The following ELF5 variants were observed in gnomAD, a reference collection of about 807,000 sequenced individuals.
ELF5 encodes the protein E74 like ETS transcription factor 5.
In ELF5, 31 loss-of-function variants were observed where a neutral mutation model predicts 38.2. The observed-to-expected ratio is 0.81, with a 90% CI of 0.61 to 1.10. The LOEUF (loss-of-function observed/expected upper bound fraction) is 1.10. Among genes scored for constraint, ELF5 ranks in the 50% least tolerant of loss-of-function variants. The pLI is 0.00. For missense variants in ELF5, 300 were observed against 306.6 expected (o/e 0.98, Z 0.16); for synonymous variants, 121 against 112.5 (o/e 1.08, Z -0.48).
At chr11:34,487,747 T>C (rs1210819364) in intron 4 of ELF5, among the ~76,000 whole-genome samples, 1 of 152,132 alleles carries the variant, frequency 6.6e-6, no homozygotes, top group African/African-American at 2.4e-5. Context: ...ATCACAGAAT[T>C]GAACCGCTCA....
intron 4 of ELF5, among the ~76,000 whole-genome samples, chr11:34,483,767 T>A (rs1856995773): frequency 6.6e-6 from 1 of 151,994 alleles, no homozygotes; most frequent in South Asian, 2.1e-4. Context: ...TACTGCACTA[T>A]ACCATACTAA....
intron 2 of ELF5, among the ~76,000 whole-genome samples, chr11:34,495,072 C>T (rs566895722): frequency 1.3e-5 from 2 of 152,226 alleles, no homozygotes; most frequent in Non-Finnish European, 2.9e-5. Flanking sequence ...CAAGAACCCA[C>T]GCCAGCGTGT....
intron 2 of ELF5, among the ~76,000 whole-genome samples, chr11:34,501,629 C>T (rs1345775700): frequency 2.6e-5 from 4 of 152,118 alleles, no homozygotes; most frequent in Admixed American, 2.0e-4. Context: ...AGTCATCGTT[C>T]TTTACTTTGA....
chr11:34,512,367 G>C (rs532439152), intron 1 of ELF5, among the ~76,000 whole-genome samples: 15 of 152,142 alleles, frequency 9.9e-5, no homozygotes, highest in Non-Finnish European at 1.3e-4. Context: ...GATCCAAAAA[G>C]GTATGCCATG....
chr11:34,508,743 T>A (rs1358226922), intron 1 of ELF5, among the ~76,000 whole-genome samples: 1 of 152,160 alleles, frequency 6.6e-6, no homozygotes, highest in Non-Finnish European at 1.5e-5. Context: ...CCAATTTCCC[T>A]CCTCGCCTCC....
chr11:34,508,175 T>G (rs1320709544), intron 1 of ELF5, among the ~76,000 whole-genome samples: 1 of 152,172 alleles, frequency 6.6e-6, no homozygotes, highest in Non-Finnish European at 1.5e-5. Context: ...CAAAATGCAG[T>G]CCCTCACCTA....
chr11:34,494,192 G>C (rs1267225084), intron 2 of ELF5, among the ~76,000 whole-genome samples: 7 of 152,174 alleles, frequency 4.6e-5, no homozygotes, highest in Non-Finnish European at 8.8e-5. Context: ...CTATTATGGA[G>C]TTTGGGGTTA....
chr11:34,486,714 A>G (rs571655816), intron 4 of ELF5, among the ~76,000 whole-genome samples: 3 of 152,368 alleles, frequency 2.0e-5, no homozygotes, highest in Admixed American at 6.5e-5. Context: ...GGAGATAATA[A>G]CACTCCCTAA....
chr11:34,500,690 A>G (rs1850443474), intron 2 of ELF5, among the ~76,000 whole-genome samples: 1 of 152,264 alleles, frequency 6.6e-6, no homozygotes, highest in Non-Finnish European at 1.5e-5. Flanking sequence ...GCGCTGCCAC[A>G]GGGCTCACCT....
chr11:34,501,241 C>T (rs1261723154), intron 2 of ELF5, among the ~76,000 whole-genome samples: 2 of 152,252 alleles, frequency 1.3e-5, no homozygotes, highest in East Asian at 1.9e-4. Flanking sequence ...GACTGAAGCC[C>T]CATCTTCTCA....
At chr11:34,496,967 T>G (rs997641464) in intron 2 of ELF5, among the ~76,000 whole-genome samples, 6 of 152,214 alleles carry the variant, frequency 3.9e-5, no homozygotes, top group Admixed American at 3.9e-4. Flanking sequence ...TAAAGCAAGA[T>G]TTGGATGAAG....
At position 34,484,472 on chromosome 11, in the gene ELF5, CACTATACTAACTATACTAT is replaced by C. The variant is rs1258720244; in HGVS notation, c.407-1992_407-1974del. Among the ~76,000 whole-genome samples, 316 of 93,064 alleles carry C rather than the reference CACTATACTAACTATACTAT, an allele frequency of 3.4e-3. 4 individuals carry two copies. Among genetic ancestry groups the C allele is most frequent in the South Asian group, 0.013 (36 of 2,780 alleles). 61.1% of individuals were successfully genotyped at this position (93,064 alleles called of 152,430 possible). On this transcript the variant is annotated intron_variant, in intron 4 of 6. Coordinates refer to ENST00000257832, the MANE Select transcript of ELF5 (RefSeq NM_001422.4). ...ATACTAACTATACTGTACTGTGCTA[CACTATACTAACTATACTAT>C]ACTATACTATACTATACTATACTAT... is the stretch of plus-strand genomic sequence containing the variant.
At chr11:34,511,658 C>T (rs939196419) in intron 1 of ELF5, 35 of 1,547,024 alleles carry the variant, frequency 2.3e-5, no homozygotes, top group Middle Eastern at 1.8e-4. Context: ...GAGGGTCCAC[C>T]GAGTTGGAGG....
chr11:34,483,038 G>A (rs541612606), intron 4 of ELF5, among the ~76,000 whole-genome samples: 1 of 151,988 alleles, frequency 6.6e-6, no homozygotes, highest in African/African-American at 2.4e-5. Flanking sequence ...TGCCCCTCCA[G>A]CTCACACTCG....
In ELF5 at chr11:34,505,746, A is replaced by G. The variant is rs2133900647; in HGVS notation, c.4T>C (p.Leu2=). The G allele has an allele frequency of 6.2e-7, 1 of 1,613,574 alleles. No homozygotes were observed. The highest frequency in any genetic ancestry group is 8.5e-7 in the Non-Finnish European group (1 of 1,179,720). ...AAGGTGCTGTGTGTCACCGAGTCCAACATTACCCTGCAACAGCAGGAGAGG... is the reference window on the plus strand; with the variant it reads ...AAGGTGCTGTGTGTCACCGAGTCCAGCATTACCCTGCAACAGCAGGAGAGG... M[L]DSVTHSTFLP... Residue 2 remains leucine (L), a synonymous_variant, in exon 2 of 7, where the codon TTG becomes CTG. Transcript: ENST00000257832.
intron 1 of ELF5, among the ~76,000 whole-genome samples, chr11:34,506,905 A>G (rs912914070): frequency 2.0e-5 from 3 of 152,170 alleles, no homozygotes; most frequent in Admixed American, 1.3e-4. Context: ...ACTGAAAGGA[A>G]GTGTGTGTGT....
intron 3 of ELF5, 86 bp downstream of exon 3, chr11:34,493,393 A>G (rs776826460): frequency 3.1e-6 from 4 of 1,310,404 alleles, no homozygotes; most frequent in Non-Finnish European, 4.3e-6. Flanking sequence ...TTGCTGTGCA[A>G]TTCACACGAT....
Position 34,505,745 on chromosome 11 carries a change from A to G in ELF5, c.5T>C (p.Leu2Ser). The change falls in exon 2 of 7, where the codon TTG (leucine) becomes TCG (serine). Residue 2 changes from leucine to serine, a missense_variant. Coordinates refer to ENST00000257832, the MANE Select transcript of ELF5 (RefSeq NM_001422.4). Reference protein sequence around the residue: MLDSVTHSTFLP... With the variant: MSDSVTHSTFLP... ...GAAGGTGCTGTGTGTCACCGAGTCC[A>G]ACATTACCCTGCAACAGCAGGAGAG... 4 of 1,613,582 alleles carry G rather than the reference A, an allele frequency of 2.5e-6. No individual in the cohort carries two copies. In the South Asian group the frequency reaches 4.4e-5, roughly 18 times the overall value.
rs1486463902 is a variant in ELF5, at chr11:34,479,181, A to G, written c.*1037T>C. The G allele has an allele frequency of 6.5e-6, 1 of 152,798 alleles. No homozygotes were observed. The highest frequency in any genetic ancestry group is 1.9e-4 in the East Asian group (1 of 5,192). The allele number at this position is 152,798 out of a possible 1,614,324, so 9.5% of individuals were successfully genotyped here. ...GGTAGAAAGACAAAACAAAAAAGAC[A>G]CACAATTTAATTTGCCATTACAGAG... is the stretch of plus-strand genomic sequence containing the variant. On this transcript the variant is annotated 3_prime_UTR_variant, in exon 7 of 7. Coordinates refer to ENST00000257832, the MANE Select transcript of ELF5 (RefSeq NM_001422.4).
Sources: allele counts gnomAD v4.1 joint callset (sites outside exome capture counted in the v4.1 genomes callset), GRCh38; gene constraint gnomAD v4.1.1; transcripts MANE v1.5; gene names NCBI Gene and HGNC (gene_info 2026-07-23, HGNC 2026-07-21).